The following HYDIN variants were observed in gnomAD, a reference collection of about 807,000 sequenced individuals.
HYDIN encodes axonemal central pair apparatus protein HYDIN.
Under a neutral mutation model 403.9 loss-of-function variants are expected in HYDIN, and 132 were observed. The ratio of observed to expected loss-of-function variants is 0.33; its 90% confidence interval spans 0.28 to 0.38. The LOEUF (loss-of-function observed/expected upper bound fraction) is 0.38. HYDIN is among the 10% of genes least tolerant of loss of function. HYDIN has a pLI of 1.00. For missense variants in HYDIN, 2,827 were observed against 5,009.5 expected (o/e 0.56, Z 13.15); for synonymous variants, 1,202 against 1,891.7 (o/e 0.64, Z 9.46).
At chr16:71,224,243 T>A (rs1232627481) in intron 1 of HYDIN, among the ~76,000 whole-genome samples, 1 of 152,126 alleles carries the variant, frequency 6.6e-6, no homozygotes, top group African/African-American at 2.4e-5. Context: ...AGCTAAGCTA[T>A]GAGATGCAAA....
At chr16:71,165,531 C>T (rs755193361) in intron 5 of HYDIN, among the ~76,000 whole-genome samples, 1 of 150,678 alleles carries the variant, frequency 6.6e-6, no homozygotes, top group Non-Finnish European at 1.5e-5. Flanking sequence ...ATGTCTCCCC[C>T]GTATTTCCAT....
In HYDIN at chr16:70,826,770, CT is replaced by C. The variant is rs1202388311; in HGVS notation, c.14427+490del. On this transcript the variant is annotated intron_variant, in intron 83 of 85. Transcript: ENST00000393567. ...CTGTGTGTGTGTTCCTAGATACTTT[CT>C]TTTTTTCTTTTTCTTTTTACTTTAA... Among the ~76,000 whole-genome samples, 12 of 143,060 alleles carry C rather than the reference CT, an allele frequency of 8.4e-5. 1 individual carries two copies. The highest frequency in any genetic ancestry group is 8.1e-4 in the Admixed American group (12 of 14,726). The allele number at this position is 143,060 out of a possible 152,430, so 93.9% of individuals were successfully genotyped here.
intron 10 of HYDIN, among the ~76,000 whole-genome samples, chr16:71,109,539 T>C (rs1196537671): frequency 7.8e-6 from 1 of 127,942 alleles, no homozygotes; most frequent in Non-Finnish European, 1.5e-5. Context: ...TACCAACTCA[T>C]TGAAGATAAT....
intron 12 of HYDIN, among the ~76,000 whole-genome samples, chr16:71,085,100 T>C (rs2082895441): frequency 9.9e-6 from 1 of 100,690 alleles, no homozygotes. Flanking sequence ...GGTATCAGGG[T>C]AATACTGGCC....
At chr16:71,033,623 G>A (rs562927270) in intron 18 of HYDIN, among the ~76,000 whole-genome samples, 7 of 151,568 alleles carry the variant, frequency 4.6e-5, no homozygotes, top group East Asian at 2.0e-4. Context: ...ACACCAGGGC[G>A]TGTCAGGGGT....
chr16:71,053,413 C>T (rs556727164), intron 18 of HYDIN, among the ~76,000 whole-genome samples: 40 of 152,302 alleles, frequency 2.6e-4, no homozygotes, highest in Middle Eastern at 3.4e-3. Flanking sequence ...GTTATAATAA[C>T]CCAATTGTCA....
intron 29 of HYDIN, among the ~76,000 whole-genome samples, chr16:70,979,740 T>C (rs2144014049): frequency 6.6e-6 from 1 of 152,254 alleles, no homozygotes; most frequent in Non-Finnish European, 1.5e-5. Flanking sequence ...AAGACCAGCC[T>C]GGGCAACATG....
At chr16:71,211,595 T>C (rs1037030859) in intron 1 of HYDIN, among the ~76,000 whole-genome samples, 8 of 144,044 alleles carry the variant, frequency 5.6e-5, no homozygotes, top group Middle Eastern at 4.5e-3. Flanking sequence ...TGAGCCAAGA[T>C]TGCGCCACTG....
At position 71,184,952 on chromosome 16, in the gene HYDIN, G is replaced by T. The variant is rs2087076888; in HGVS notation, c.174C>A (p.Thr58=). The T allele has an allele frequency of 6.2e-7, 1 of 1,609,946 alleles. No homozygotes were observed. The highest frequency in any genetic ancestry group is 8.5e-7 in the Non-Finnish European group (1 of 1,177,296). Residue 58 remains threonine (T), a synonymous_variant, in exon 3 of 86, where the codon ACC becomes ACA. Transcript: ENST00000393567. ...PSEFLKEMSL[T]TEQRLAKTRL... ...GTGTTTTTGCCAGTCTCTGCTCGGT[G>T]GTCAGGGACATTTCCTTCAGGAACT... is the stretch of plus-strand genomic sequence containing the variant.
At chr16:70,892,957 G>A (rs112857961) in intron 55 of HYDIN, among the ~76,000 whole-genome samples, 74 of 152,282 alleles carry the variant, frequency 4.9e-4, no homozygotes, top group African/African-American at 1.7e-3. Flanking sequence ...CAGAGGTACT[G>A]GGGAGGGAAG....
At chr16:70,892,326 C>T in intron 56 of HYDIN, 35 bp downstream of exon 56, 1 of 1,565,170 alleles carries the variant, frequency 6.4e-7, no homozygotes, top group East Asian at 2.2e-5. Flanking sequence ...ACGATCCTGC[C>T]ATTGAGGCAG....
chr16:70,898,666 G>A (rs2076276033), intron 53 of HYDIN, among the ~76,000 whole-genome samples: 1 of 152,158 alleles, frequency 6.6e-6, no homozygotes, highest in South Asian at 2.1e-4. Context: ...GCTTTAAGCG[G>A]TAGTGGTAAA....
chr16:70,964,209 T>C (rs949741750), intron 37 of HYDIN, among the ~76,000 whole-genome samples: 1 of 148,824 alleles, frequency 6.7e-6, no homozygotes, highest in Non-Finnish European at 1.5e-5. Context: ...GCCTGAGGAC[T>C]ATGGAGGGGC....
intron 80 of HYDIN, among the ~76,000 whole-genome samples, chr16:70,830,041 T>C (rs2036869041): frequency 6.6e-6 from 1 of 152,168 alleles, no homozygotes; most frequent in South Asian, 2.1e-4. Context: ...GGTAGAGATG[T>C]AGCAATGAAC....
chr16:71,052,134 T>C (rs2081673453), intron 18 of HYDIN, among the ~76,000 whole-genome samples: 1 of 152,204 alleles, frequency 6.6e-6, no homozygotes. Flanking sequence ...ATTTTCCACA[T>C]TGGTAAAATA....
intron 75 of HYDIN, among the ~76,000 whole-genome samples, chr16:70,842,215 G>A (rs2037875643): frequency 6.6e-6 from 1 of 151,780 alleles, no homozygotes; most frequent in African/African-American, 2.4e-5. Flanking sequence ...AGCTTTCATA[G>A]TGCTATTCAA....
chr16:70,887,935 G>T (rs1262374346), intron 58 of HYDIN, among the ~76,000 whole-genome samples: 1 of 151,972 alleles, frequency 6.6e-6, no homozygotes. Context: ...CGCTTGCCTC[G>T]GCCTCCCAAA....
chr16:70,955,583 G>A (rs1346063720), intron 39 of HYDIN, 35 bp from the exon 40 acceptor site: 16 of 921,930 alleles, frequency 1.7e-5, no homozygotes, highest in Non-Finnish European at 2.5e-5. Context: ...ATTTCACGGT[G>A]CTCATTTGCT....
chr16:71,064,937 T>G, intron 15 of HYDIN, 97 bp from the exon 16 acceptor site: 27 of 1,351,618 alleles, frequency 2.0e-5, no homozygotes, highest in Non-Finnish European at 2.7e-5. Context: ...CAGTGTCACA[T>G]AGTAGTTTTT....
Sources: gnomAD v4.1 joint callset for allele counts (sites outside exome capture counted in the v4.1 genomes callset) on GRCh38, gnomAD v4.1.1 for gene constraint, MANE v1.5 for transcripts, NCBI Gene and HGNC (gene_info 2026-07-23, HGNC 2026-07-21) for gene names.